The following BANK1 variants were observed in gnomAD, a reference collection of about 807,000 sequenced individuals.
BANK1 encodes the protein B cell scaffold protein with ankyrin repeats 1.
BANK1 carries 95 observed loss-of-function variants against 94.5 expected under a neutral mutation model. The ratio of observed to expected loss-of-function variants is 1.00; its 90% CI spans 0.85 to 1.19. The LOEUF (loss-of-function observed/expected upper bound fraction) is 1.19, where lower values mean the gene tolerates loss of function less well. BANK1 is among the 50% of genes most tolerant of loss of function. The pLI is 0.00. For synonymous variants in BANK1, 334 were observed against 308.4 expected (o/e 1.08, Z -0.87); for missense variants, 987 against 932.2 (o/e 1.06, Z -0.77).
At chr4:101,910,452 C>A (rs1296558063) in intron 6 of BANK1, among the ~76,000 whole-genome samples, 2 of 151,816 alleles carry the variant, frequency 1.3e-5, no homozygotes, top group Non-Finnish European at 2.9e-5. Flanking sequence ...GAGGCCGAGG[C>A]GGGCTGATCA....
intron 1 of BANK1, among the ~76,000 whole-genome samples, chr4:101,814,964 G>GT (rs1369879761): frequency 6.6e-6 from 1 of 152,134 alleles, no homozygotes. Flanking sequence ...CATGTATTGG[G>GT]TATAGGGGTG....
chr4:101,886,761 T>TGGG (rs11452529), intron 5 of BANK1, among the ~76,000 whole-genome samples: 4 of 135,036 alleles, frequency 3.0e-5, no homozygotes, highest in African/African-American at 7.8e-5. Flanking sequence ...AACAATATAT[T>TGGG]GGGGGGGGGG....
chr4:101,824,091 A>G (rs1044755730), intron 1 of BANK1, among the ~76,000 whole-genome samples: 2 of 152,206 alleles, frequency 1.3e-5, no homozygotes, highest in Admixed American at 6.5e-5. Context: ...TGTGTAGAAC[A>G]AACCTCAGAA....
intron 7 of BANK1, among the ~76,000 whole-genome samples, chr4:101,953,841 A>T (rs182594155): frequency 3.9e-5 from 6 of 152,222 alleles, no homozygotes; most frequent in Non-Finnish European, 5.9e-5. Flanking sequence ...ATTGTGCGTA[A>T]TATTTCTTGT....
At chr4:101,893,176 A>T (rs1721937684) in intron 5 of BANK1, among the ~76,000 whole-genome samples, 1 of 151,934 alleles carries the variant, frequency 6.6e-6, no homozygotes, top group African/African-American at 2.4e-5. Flanking sequence ...TATTTTTAAA[A>T]TTTAACTATA....
intron 7 of BANK1, among the ~76,000 whole-genome samples, chr4:101,995,646 A>C (rs2148933961): frequency 1.3e-5 from 2 of 152,198 alleles, no homozygotes; most frequent in South Asian, 4.2e-4. Context: ...TCTAACTAGC[A>C]TGAGATGGTA....
At chr4:101,794,203 A>G (rs1407718475) in intron 1 of BANK1, among the ~76,000 whole-genome samples, 1 of 152,114 alleles carries the variant, frequency 6.6e-6, no homozygotes, top group African/African-American at 2.4e-5. Flanking sequence ...CTCATATCTC[A>G]GAGTACCAGT....
chr4:101,918,714 G>T (rs115119845), intron 7 of BANK1, among the ~76,000 whole-genome samples: 1,801 of 152,032 alleles, frequency 0.012, 35 homozygotes, highest in African/African-American at 0.041. Context: ...CAATGATTAT[G>T]CTGATAAATT....
chr4:101,935,588 A>G (rs1204476258), intron 7 of BANK1, among the ~76,000 whole-genome samples: 1 of 151,602 alleles, frequency 6.6e-6, no homozygotes, highest in Non-Finnish European at 1.5e-5. Context: ...TATTTAATTT[A>G]TCATCAAATG....
intron 7 of BANK1, among the ~76,000 whole-genome samples, chr4:101,938,373 A>G (rs868299575): frequency 6.6e-6 from 1 of 151,636 alleles, no homozygotes; most frequent in Admixed American, 6.6e-5. Flanking sequence ...AATGAATAAG[A>G]TCTAGTATTT....
chr4:101,824,187 T>C (rs1269149197), intron 1 of BANK1, among the ~76,000 whole-genome samples: 1 of 152,222 alleles, frequency 6.6e-6, no homozygotes, highest in Non-Finnish European at 1.5e-5. Context: ...CTATTCTTGG[T>C]ACACTAAATC....
chr4:101,891,359 A>T (rs1721863045), intron 5 of BANK1, among the ~76,000 whole-genome samples: 1 of 152,022 alleles, frequency 6.6e-6, no homozygotes, highest in African/African-American at 2.4e-5. Flanking sequence ...CTAGCAATCT[A>T]ATTGTTTTTA....
At chr4:101,951,098 G>T (rs1724134679) in intron 7 of BANK1, among the ~76,000 whole-genome samples, 1 of 152,056 alleles carries the variant, frequency 6.6e-6, no homozygotes, top group Admixed American at 6.6e-5. Context: ...AGTAAAATAT[G>T]GATGTTAGTT....
intron 7 of BANK1, among the ~76,000 whole-genome samples, chr4:101,937,060 C>A (rs1201571666): frequency 2.0e-5 from 3 of 151,590 alleles, no homozygotes; most frequent in Non-Finnish European, 4.4e-5. Flanking sequence ...AAGTGTCCCT[C>A]AACAGACAAA....
chr4:101,831,042 G>T (rs765207962), intron 2 of BANK1, among the ~76,000 whole-genome samples: 1 of 152,138 alleles, frequency 6.6e-6, no homozygotes, highest in Non-Finnish European at 1.5e-5. Flanking sequence ...GTTGTCTAAT[G>T]CATATAGATT....
At chr4:101,961,240 G>T (rs887941072) in intron 7 of BANK1, among the ~76,000 whole-genome samples, 1 of 152,168 alleles carries the variant, frequency 6.6e-6, no homozygotes, top group Non-Finnish European at 1.5e-5. Flanking sequence ...AGGAAGTTTT[G>T]ATTAGTGGAC....
chr4:102,053,232 G>A (rs1728114092), intron 11 of BANK1, among the ~76,000 whole-genome samples: 1 of 152,148 alleles, frequency 6.6e-6, no homozygotes, highest in Non-Finnish European at 1.5e-5. Context: ...CTAATCTTTG[G>A]AGAAGTGGGA....
At chr4:102,021,493 T>C (rs766029831) in intron 7 of BANK1, 21 bp from the exon 8 acceptor site, 1 of 1,198,552 alleles carries the variant, frequency 8.3e-7, no homozygotes, top group East Asian at 2.5e-5. Flanking sequence ...TGCATATTAT[T>C]AAAAATTACA....
chr4:101,832,221 C>A (rs1726649719), intron 2 of BANK1, among the ~76,000 whole-genome samples: 1 of 152,170 alleles, frequency 6.6e-6, no homozygotes, highest in African/African-American at 2.4e-5. Flanking sequence ...CTAAAGGATT[C>A]TTCATTTATA....
Sources: gnomAD v4.1 joint callset for allele counts (sites outside exome capture counted in the v4.1 genomes callset) on GRCh38, gnomAD v4.1.1 for gene constraint, MANE v1.5 for transcripts, NCBI Gene and HGNC (gene_info 2026-07-23, HGNC 2026-07-21) for gene names.